DENND1B: variants seen among roughly 807,000 people sequenced by gnomAD.
The protein encoded by DENND1B is DENN domain-containing protein 1B.
A neutral mutation model predicts 90.1 loss-of-function variants in DENND1B; 59 were observed. The ratio of observed to expected loss-of-function variants is 0.65; its 90% confidence interval spans 0.53 to 0.81. The LOEUF is 0.81. Ranked by LOEUF, DENND1B falls within the 40% of genes least tolerant of loss-of-function variation. DENND1B has a pLI of 0.00. For synonymous variants in DENND1B, 337 were observed against 324.6 expected (o/e 1.04, Z -0.41); for missense variants, 862 against 912.6 (o/e 0.94, Z 0.71).
At chr1:197,614,937 C>T (rs1290536218) in intron 11 of DENND1B, among the ~76,000 whole-genome samples, 1 of 150,966 alleles carries the variant, frequency 6.6e-6, no homozygotes, top group African/African-American at 2.4e-5. Flanking sequence ...TGTCTTGCAA[C>T]ATCATAGACT....
rs555888984 is a variant in DENND1B at position 197,693,413 on chromosome 1, G to C, written c.127-19244C>G. On this transcript the variant is annotated intron_variant, in intron 3 of 22. Coordinates refer to ENST00000620048, the MANE Select transcript of DENND1B (RefSeq NM_001195215.2). ...ACCATGAAGTTAATTTTTGAAATTA[G>C]GTTCATTTAAAGGTGCCCAAATATT... Among the ~76,000 whole-genome samples the C allele has an allele frequency of 2.9e-4, 44 of 151,614 alleles. 1 individual carries two copies. Among genetic ancestry groups the C allele is most frequent in the African/African-American group, 1.1e-3 (44 of 41,454 alleles).
At chr1:197,762,598 C>T (rs1395816838) in intron 2 of DENND1B, among the ~76,000 whole-genome samples, 1 of 152,152 alleles carries the variant, frequency 6.6e-6, no homozygotes, top group Non-Finnish European at 1.5e-5. Flanking sequence ...ATCCCTAATA[C>T]AATACAATTT....
intron 2 of DENND1B, among the ~76,000 whole-genome samples, chr1:197,725,228 G>GT (rs1359396233): frequency 6.6e-6 from 1 of 152,024 alleles, no homozygotes; most frequent in Non-Finnish European, 1.5e-5. Flanking sequence ...GAGAAAAGAG[G>GT]TAAGTAGAAA....
chr1:197,518,345 C>A (rs1668544132), intron 20 of DENND1B, among the ~76,000 whole-genome samples: 1 of 151,842 alleles, frequency 6.6e-6, no homozygotes. Context: ...TAATGACAAT[C>A]CACTAGAATG....
intron 15 of DENND1B, among the ~76,000 whole-genome samples, chr1:197,566,572 T>C (rs1016062709): frequency 2.0e-5 from 3 of 152,064 alleles, no homozygotes; most frequent in African/African-American, 4.8e-5. Flanking sequence ...ACTAAAACTG[T>C]CAAAATATTT....
intron 15 of DENND1B, among the ~76,000 whole-genome samples, chr1:197,554,100 TACACACACACACACACACACACACAC>T (rs4026509): frequency 7.1e-6 from 1 of 139,986 alleles, no homozygotes; most frequent in Admixed American, 7.2e-5. Flanking sequence ...TCAATGATTA[TACACACACACACACACACACACACAC>T]ACACACACAC....
At chr1:197,647,179 T>C in intron 7 of DENND1B, 65 bp from the exon 8 acceptor site, 1 of 1,178,430 alleles carries the variant, frequency 8.5e-7, no homozygotes, top group Non-Finnish European at 1.1e-6. Context: ...CACAACAATT[T>C]GCTGTGTAAT....
At chr1:197,587,975 T>C (rs1162409358) in intron 14 of DENND1B, among the ~76,000 whole-genome samples, 1 of 151,870 alleles carries the variant, frequency 6.6e-6, no homozygotes, top group Non-Finnish European at 1.5e-5. Flanking sequence ...TAATAGGGGT[T>C]TTGCTCCTAT....
intron 10 of DENND1B, among the ~76,000 whole-genome samples, chr1:197,637,555 C>T (rs1390622516): frequency 6.6e-6 from 1 of 152,170 alleles, no homozygotes. Flanking sequence ...AAATAACCTT[C>T]ACACATCCCT....
At chr1:197,748,275 T>TG (rs1296762060) in intron 2 of DENND1B, among the ~76,000 whole-genome samples, 4 of 5,762 alleles carry the variant, frequency 6.9e-4, no homozygotes, top group East Asian at 0.014. Context: ...GAAGTAGGGG[T>TG]GGGGGGGTGG....
At chr1:197,517,407 A>G (rs2125604275) in intron 20 of DENND1B, among the ~76,000 whole-genome samples, 1 of 152,008 alleles carries the variant, frequency 6.6e-6, no homozygotes, top group East Asian at 1.9e-4. Context: ...AGGTATCACC[A>G]TGGCCTTCTT....
chr1:197,576,191 G>A (rs1439929060), intron 15 of DENND1B, among the ~76,000 whole-genome samples: 1 of 152,192 alleles, frequency 6.6e-6, no homozygotes, highest in Non-Finnish European at 1.5e-5. Context: ...ATGACAGGAA[G>A]CATATTAATA....
At position 197,664,360 on chromosome 1, in the gene DENND1B, G is replaced by A. The variant is rs572491585; in HGVS notation, c.297-5991C>T. ...TGAACAAAGAATAACTGTGACTCTC[G>A]CACTCTTGCCAACATATATAAATGT... On this transcript the variant is annotated intron_variant, in intron 5 of 22. Coordinates refer to ENST00000620048, the MANE Select transcript of DENND1B (RefSeq NM_001195215.2). 5.6e-4 allele frequency among the ~76,000 whole-genome samples: 85 copies of A among 151,998 alleles called. 1 individual carries two copies. The highest frequency in any genetic ancestry group is 4.8e-5 in the African/African-American group (2 of 41,472).
At chr1:197,716,423 CA>C (rs201516636) in intron 2 of DENND1B, among the ~76,000 whole-genome samples, 2,662 of 151,654 alleles carry the variant, frequency 0.018, 75 homozygotes, top group African/African-American at 0.06. Context: ...ATTATATCCT[CA>C]TGTAAAACAA....
chr1:197,586,343 T>C (rs888786188), intron 14 of DENND1B, among the ~76,000 whole-genome samples: 1 of 152,238 alleles, frequency 6.6e-6, no homozygotes, highest in Admixed American at 6.5e-5. Context: ...AAATGTTTTA[T>C]ATTCATATTT....
intron 18 of DENND1B, 119 bp downstream of exon 18, chr1:197,545,803 A>T (rs904973787): frequency 3.5e-6 from 3 of 853,482 alleles, no homozygotes; most frequent in Admixed American, 3.4e-5. Flanking sequence ...ATTAATCCTA[A>T]TTTTTTTTTA....
chr1:197,564,388 C>A (rs1290220580), intron 15 of DENND1B, among the ~76,000 whole-genome samples: 1 of 97,934 alleles, frequency 1.0e-5, no homozygotes, highest in African/African-American at 3.8e-5. Flanking sequence ...GCAAGAACCT[C>A]CACCAGCAAA....
intron 10 of DENND1B, among the ~76,000 whole-genome samples, chr1:197,621,156 A>G (rs975163973): frequency 1.3e-5 from 2 of 151,374 alleles, no homozygotes; most frequent in African/African-American, 4.8e-5. Context: ...GAGAAGCAGA[A>G]TCAATGATGG....
rs1671648577 is a variant in DENND1B at position 197,555,604 on chromosome 1, A to G, written c.1150-2492T>C. Reference sequence around the variant, plus strand: ...AAGTGGCCAAGAAACATATGAAAGAATGCTCAACATCACTAATCATCAGAG... The same window carrying G: ...AAGTGGCCAAGAAACATATGAAAGAGTGCTCAACATCACTAATCATCAGAG... On this transcript the variant is annotated intron_variant, in intron 15 of 22. Coordinates refer to ENST00000620048, the MANE Select transcript of DENND1B (RefSeq NM_001195215.2). Among the ~76,000 whole-genome samples the G allele has an allele frequency of 3.9e-5, 6 of 152,186 alleles. No homozygotes were observed. The South Asian group carries it at 1.2e-3, about 31-fold the overall frequency.
Sources: gnomAD v4.1 joint callset for allele counts (sites outside exome capture counted in the v4.1 genomes callset) on GRCh38, gnomAD v4.1.1 for gene constraint, MANE v1.5 for transcripts, NCBI Gene and HGNC (gene_info 2026-07-23, HGNC 2026-07-21) for gene names.